Variants in ST8SIA2 observed in about 807,000 individuals in gnomAD.
ST8SIA2 encodes alpha-2,8-sialyltransferase 8B.
ST8SIA2 carries 22 observed loss-of-function variants against 37.6 expected under a neutral mutation model. The observed-to-expected ratio is 0.58, with a 90% CI of 0.42 to 0.83. ST8SIA2 has a LOEUF of 0.83. Ranked by LOEUF, ST8SIA2 falls within the 40% of genes least tolerant of loss-of-function variation. The pLI is 0.00. For synonymous variants in ST8SIA2, 205 were observed against 201.2 expected (o/e 1.02, Z -0.16); for missense variants, 382 against 484.7 (o/e 0.79, Z 1.99).
intron 1 of ST8SIA2, among the ~76,000 whole-genome samples, chr15:92,404,028 C>T (rs1270179459): frequency 6.6e-6 from 1 of 152,208 alleles, no homozygotes; most frequent in Non-Finnish European, 1.5e-5. Flanking sequence ...AGTTAAGGCT[C>T]CACAGGCCCT....
At chr15:92,443,790 T>A (rs1596245316) in intron 4 of ST8SIA2, among the ~76,000 whole-genome samples, 1 of 152,178 alleles carries the variant, frequency 6.6e-6, no homozygotes. Context: ...ATGGTATTCC[T>A]AACCTGCTTG....
At chr15:92,413,211 A>G (rs915976150) in intron 1 of ST8SIA2, among the ~76,000 whole-genome samples, 3 of 152,244 alleles carry the variant, frequency 2.0e-5, no homozygotes, top group Non-Finnish European at 2.9e-5. Context: ...AGGCATGTTA[A>G]TTGAAACAAA....
chr15:92,456,354 C>T (rs1324242230), intron 5 of ST8SIA2, among the ~76,000 whole-genome samples: 2 of 152,160 alleles, frequency 1.3e-5, no homozygotes, highest in Admixed American at 1.3e-4. Context: ...GAACCTCTAG[C>T]CTCTGCTTGC....
intron 5 of ST8SIA2, among the ~76,000 whole-genome samples, chr15:92,458,329 G>A (rs1429445423): frequency 6.6e-6 from 1 of 152,194 alleles, no homozygotes; most frequent in Non-Finnish European, 1.5e-5. Context: ...AACCAAGAAA[G>A]TACACATTGT....
chr15:92,413,192 G>T (rs960299907), intron 1 of ST8SIA2, among the ~76,000 whole-genome samples: 18 of 152,212 alleles, frequency 1.2e-4, no homozygotes, highest in Non-Finnish European at 2.4e-4. Flanking sequence ...CATGATGCTC[G>T]AAAAAGAAAG....
intron 5 of ST8SIA2, among the ~76,000 whole-genome samples, chr15:92,453,262 C>G (rs1296315142): frequency 6.6e-6 from 1 of 152,104 alleles, no homozygotes; most frequent in Non-Finnish European, 1.5e-5. Flanking sequence ...TAATGTGGAC[C>G]ACAGAGAGAC....
chr15:92,439,959 T>C (rs1596243719), intron 4 of ST8SIA2, among the ~76,000 whole-genome samples: 1 of 151,472 alleles, frequency 6.6e-6, no homozygotes, highest in African/African-American at 2.4e-5. Flanking sequence ...GGCGGGGGGG[T>C]GGCTGTCTGA....
At chr15:92,404,779 G>A (rs903729131) in intron 1 of ST8SIA2, among the ~76,000 whole-genome samples, 1 of 150,182 alleles carries the variant, frequency 6.7e-6, no homozygotes, top group African/African-American at 2.4e-5. Flanking sequence ...AGGTTGCAGT[G>A]AGCCTAGATC....
chr15:92,406,138 C>T (rs1480153515), intron 1 of ST8SIA2, among the ~76,000 whole-genome samples: 1 of 152,200 alleles, frequency 6.6e-6, no homozygotes, highest in African/African-American at 2.4e-5. Context: ...CTTTTAGGCT[C>T]TCTATAATAC....
At chr15:92,458,164 C>T (rs1037940902) in intron 5 of ST8SIA2, among the ~76,000 whole-genome samples, 1 of 152,194 alleles carries the variant, frequency 6.6e-6, no homozygotes, top group Non-Finnish European at 1.5e-5. Context: ...CTCACTCACT[C>T]GCAAACTGTG....
intron 1 of ST8SIA2, among the ~76,000 whole-genome samples, chr15:92,418,189 C>T (rs926227219): frequency 4.6e-5 from 7 of 152,048 alleles, no homozygotes; most frequent in Non-Finnish European, 1.0e-4. Context: ...CATGGTGGCT[C>T]ACGCCTATAA....
chr15:92,424,348 C>T (rs534422623), intron 1 of ST8SIA2, among the ~76,000 whole-genome samples: 6 of 151,918 alleles, frequency 3.9e-5, no homozygotes, highest in African/African-American at 1.2e-4. Context: ...ATGATGTACC[C>T]CATAAATATA....
At chr15:92,430,206 C>T in intron 2 of ST8SIA2, 95 bp downstream of exon 2, 1 of 1,221,108 alleles carries the variant, frequency 8.2e-7, no homozygotes. Context: ...TCTTACTTAG[C>T]AAATAGATCT....
chr15:92,394,620 G>A (rs2049416272), intron 1 of ST8SIA2, among the ~76,000 whole-genome samples: 1 of 152,306 alleles, frequency 6.6e-6, no homozygotes, highest in East Asian at 1.9e-4. Flanking sequence ...GCTGGGGGAG[G>A]GGTTCCTGGG....
At chr15:92,432,651 G>C (rs1030508966) in intron 2 of ST8SIA2, among the ~76,000 whole-genome samples, 5 of 152,146 alleles carry the variant, frequency 3.3e-5, no homozygotes, top group African/African-American at 1.2e-4. Context: ...CTGCATGCTA[G>C]GAAGAGTTCC....
chr15:92,464,650 C>A lies in ST8SIA2; in HGVS notation c.*265C>A. ...AACCCACCTGAACCAGATTGAGACT[C>A]AATCCATCTTTGGGGGTGGAAGGAC... On this transcript the variant is annotated 3_prime_UTR_variant, in exon 6 of 6. Transcript: ENST00000268164. The A allele has an allele frequency of 2.0e-6, 1 of 506,954 alleles. No homozygotes were observed. Among genetic ancestry groups the A allele is most frequent in the Non-Finnish European group, 3.5e-6 (1 of 283,160 alleles). 31.4% of individuals were successfully genotyped at this position (506,954 alleles called of 1,614,324 possible). A position where few individuals can be genotyped will look rare whatever the true frequency, so the allele number is the denominator to read the frequency against.
intron 1 of ST8SIA2, among the ~76,000 whole-genome samples, chr15:92,424,827 G>T (rs2049663967): frequency 1.3e-5 from 2 of 152,024 alleles, no homozygotes; most frequent in Middle Eastern, 3.2e-3. Flanking sequence ...GGCCAGGCTG[G>T]TCTCAAACTC....
intron 3 of ST8SIA2, among the ~76,000 whole-genome samples, chr15:92,435,070 C>T (rs747599363): frequency 1.5e-4 from 23 of 152,196 alleles, no homozygotes; most frequent in Non-Finnish European, 2.2e-4. Flanking sequence ...ATGATTGACC[C>T]AGCAAATATT....
chr15:92,406,403 T>C (rs2049508245), intron 1 of ST8SIA2, among the ~76,000 whole-genome samples: 1 of 152,206 alleles, frequency 6.6e-6, no homozygotes, highest in Non-Finnish European at 1.5e-5. Context: ...GCCTTGTCAC[T>C]CGGTGTGGTC....
Sources: gnomAD v4.1 joint callset for allele counts (sites outside exome capture counted in the v4.1 genomes callset) on GRCh38, gnomAD v4.1.1 for gene constraint, MANE v1.5 for transcripts, NCBI Gene and HGNC (gene_info 2026-07-23, HGNC 2026-07-21) for gene names.